The following PDE10A variants were observed in gnomAD, a reference collection of about 807,000 sequenced individuals.
PDE10A encodes cAMP and cAMP-inhibited cGMP 3',5'-cyclic phosphodiesterase 10A.
A neutral mutation model predicts 97.7 loss-of-function variants in PDE10A; 39 were observed. The ratio of observed to expected loss-of-function variants is 0.40; its 90% confidence interval spans 0.31 to 0.52. The LOEUF is 0.52. Among genes scored for constraint, PDE10A ranks in the 20% least tolerant of loss-of-function variants. The pLI is 0.56. For synonymous variants in PDE10A, 371 were observed against 376.8 expected, an observed-to-expected ratio of 0.98 and a Z score of 0.18; for missense variants, 731 against 1,047.8, an observed-to-expected ratio of 0.70 and a Z score of 4.17.
At chr6:165,563,702 C>T (rs933566861) in intron 1 of PDE10A, among the ~76,000 whole-genome samples, 1 of 151,962 alleles carries the variant, frequency 6.6e-6, no homozygotes, top group African/African-American at 2.4e-5. Context: ...ACCAGACTGG[C>T]CAACATAGTG....
intron 13 of PDE10A, among the ~76,000 whole-genome samples, chr6:165,405,976 T>C (rs1242016015): frequency 6.6e-6 from 1 of 152,120 alleles, no homozygotes; most frequent in African/African-American, 2.4e-5. Flanking sequence ...TCTTAATCTG[T>C]ACCTAGCATC....
At chr6:165,515,894 C>T (rs919623560) in intron 2 of PDE10A, among the ~76,000 whole-genome samples, 1 of 152,072 alleles carries the variant, frequency 6.6e-6, no homozygotes, top group African/African-American at 2.4e-5. Flanking sequence ...TCTTAACCCA[C>T]TGCTGTTCTA....
At chr6:165,453,487 G>C (rs1225489721) in intron 3 of PDE10A, among the ~76,000 whole-genome samples, 10 of 152,232 alleles carry the variant, frequency 6.6e-5, no homozygotes, top group Admixed American at 1.3e-4. Context: ...GCTCAGAGCA[G>C]GGCCTTGAGG....
At chr6:165,370,355 A>G (rs1355461357) in intron 18 of PDE10A, among the ~76,000 whole-genome samples, 1,079 of 119,370 alleles carry the variant, frequency 9.0e-3, no homozygotes, top group African/African-American at 0.02. Context: ...AGAGACACAC[A>G]TAGGCTCAAA....
chr6:165,355,692 T>C (rs540637488), intron 18 of PDE10A, among the ~76,000 whole-genome samples: 1 of 152,264 alleles, frequency 6.6e-6, no homozygotes, highest in East Asian at 1.9e-4. Context: ...AAAGTACACT[T>C]TCATTCCTCT....
intron 1 of PDE10A, among the ~76,000 whole-genome samples, chr6:165,565,817 C>T (rs962268752): frequency 3.3e-5 from 5 of 152,040 alleles, no homozygotes; most frequent in African/African-American, 1.2e-4. Flanking sequence ...GGAGCAAATG[C>T]AATACAGTAG....
At chr6:165,684,498 G>A (rs938472833) in intron 1 of PDE10A, among the ~76,000 whole-genome samples, 2 of 152,342 alleles carry the variant, frequency 1.3e-5, no homozygotes, top group East Asian at 3.9e-4. Flanking sequence ...AGCTATGGTC[G>A]CGGCTGCCAT....
chr6:165,781,264 C>T (rs1583079055), intron 1 of PDE10A: 1 of 151,788 alleles, frequency 6.6e-6, no homozygotes, highest in Admixed American at 6.6e-5. Context: ...GACTGCAGAA[C>T]TGTGACTTAA....
At chr6:165,519,218 C>A (rs997760552) in intron 2 of PDE10A, among the ~76,000 whole-genome samples, 11 of 152,040 alleles carry the variant, frequency 7.2e-5, no homozygotes, top group African/African-American at 2.7e-4. Context: ...TCAGTTCAAA[C>A]TTACGATATA....
intron 3 of PDE10A, among the ~76,000 whole-genome samples, chr6:165,471,020 A>G (rs1778968946): frequency 6.6e-6 from 1 of 152,066 alleles, no homozygotes; most frequent in Non-Finnish European, 1.5e-5. Flanking sequence ...AATTGTATCT[A>G]TTGCTGCCTA....
At chr6:165,647,732 T>C (rs1281630335) in intron 1 of PDE10A, among the ~76,000 whole-genome samples, 1 of 152,204 alleles carries the variant, frequency 6.6e-6, no homozygotes, top group Admixed American at 6.5e-5. Context: ...TTTCTCTTCC[T>C]TTCCCGACTG....
chr6:165,536,971 T>A (rs1489183845), intron 2 of PDE10A, among the ~76,000 whole-genome samples: 1 of 152,078 alleles, frequency 6.6e-6, no homozygotes, highest in Non-Finnish European at 1.5e-5. Context: ...GAAATCAGCA[T>A]ATCAAAGATA....
chr6:165,930,553 T>G (rs757558600), intron 1 of PDE10A, among the ~76,000 whole-genome samples: 37 of 152,318 alleles, frequency 2.4e-4, no homozygotes, highest in South Asian at 8.3e-4. Context: ...AAGTCATACT[T>G]TTTCCTTCAG....
intron 1 of PDE10A, among the ~76,000 whole-genome samples, chr6:165,620,037 A>T (rs1788049691): frequency 1.3e-5 from 2 of 151,970 alleles, no homozygotes; most frequent in African/African-American, 4.8e-5. Context: ...TACAGAGAAG[A>T]CTGTGTTTCA....
chr6:165,651,894 A>G (rs1020265096), intron 1 of PDE10A, among the ~76,000 whole-genome samples: 1 of 152,168 alleles, frequency 6.6e-6, no homozygotes, highest in Non-Finnish European at 1.5e-5. Flanking sequence ...TCATGTATTC[A>G]GTAGTCTATC....
At chr6:165,415,542 T>C (rs1407225217) in intron 12 of PDE10A, among the ~76,000 whole-genome samples, 1 of 152,170 alleles carries the variant, frequency 6.6e-6, no homozygotes, top group Non-Finnish European at 1.5e-5. Flanking sequence ...AAACAAAAAA[T>C]CTTTATAAGC....
At chr6:165,668,354 A>G (rs576211642) in intron 1 of PDE10A, among the ~76,000 whole-genome samples, 6 of 152,180 alleles carry the variant, frequency 3.9e-5, no homozygotes, top group African/African-American at 1.4e-4. Flanking sequence ...CAAAATTGCC[A>G]CTGAGTTTAT....
intron 3 of PDE10A, among the ~76,000 whole-genome samples, chr6:165,465,682 G>A (rs1243314667): frequency 1.3e-5 from 2 of 152,182 alleles, no homozygotes; most frequent in Non-Finnish European, 2.9e-5. Context: ...AATGAGTCCT[G>A]AGCAAAGGGG....
chr6:165,794,809 T>C (rs1335664103), intron 1 of PDE10A, among the ~76,000 whole-genome samples: 2 of 152,244 alleles, frequency 1.3e-5, no homozygotes, highest in African/African-American at 2.4e-5. Context: ...AAGGGATGAC[T>C]TTATCGTTTA....
Sources: gnomAD v4.1 joint callset for allele counts (sites outside exome capture counted in the v4.1 genomes callset) on GRCh38, gnomAD v4.1.1 for gene constraint, MANE v1.5 for transcripts, NCBI Gene and HGNC (gene_info 2026-07-23, HGNC 2026-07-21) for gene names.